Variants in EPHA4 observed in about 807,000 individuals in gnomAD.
EPHA4 encodes EPH receptor A4.
In EPHA4, 19 loss-of-function variants were observed where a neutral mutation model predicts 108.3. The ratio of observed to expected loss-of-function variants is 0.18; its 90% CI spans 0.12 to 0.26. The LOEUF (loss-of-function observed/expected upper bound fraction) is 0.26, where lower values mean the gene tolerates loss of function less well. Ranked by LOEUF, EPHA4 falls within the 10% of genes least tolerant of loss-of-function variation. EPHA4 has a pLI of 1.00. For missense variants in EPHA4, 917 were observed against 1,254.0 expected, an observed-to-expected ratio of 0.73 and a Z score of 4.06; for synonymous variants, 449 against 455.5, an observed-to-expected ratio of 0.99 and a Z score of 0.18.
At chr2:221,522,841 C>T (rs1693211147) in intron 3 of EPHA4, among the ~76,000 whole-genome samples, 1 of 151,896 alleles carries the variant, frequency 6.6e-6, no homozygotes, top group Non-Finnish European at 1.5e-5. Flanking sequence ...CGGCTCACTG[C>T]AACCCAACCT....
intron 3 of EPHA4, among the ~76,000 whole-genome samples, chr2:221,534,871 G>A (rs1026298051): frequency 3.9e-5 from 6 of 152,170 alleles, no homozygotes; most frequent in African/African-American, 1.4e-4. Flanking sequence ...CTTCACTTGA[G>A]CATCTACATG....
chr2:221,502,568 T>A (rs1362174791), intron 3 of EPHA4: 12 of 471,252 alleles, frequency 2.5e-5, no homozygotes, highest in Non-Finnish European at 5.3e-5. Context: ...ACTGCTTGAT[T>A]CTCTCTGGAG....
At position 221,482,564 on chromosome 2, in the gene EPHA4, C is replaced by G. The variant is rs895132449; in HGVS notation, c.1106G>C (p.Cys369Ser). 62 of 1,613,984 alleles carry G rather than the reference C, an allele frequency of 3.8e-5. No individual in the cohort carries two copies. The highest frequency in any genetic ancestry group is 5.0e-5 in the Non-Finnish European group (59 of 1,180,010). ...GCACTTGCTGGGGTCACCAGCTCCA[C>G]ATTTCTTGCATACCACATTATAGGA... is the stretch of plus-strand genomic sequence containing the variant. The part of the protein sequence containing the change: ...DISYNVVCKK[C>S]GAGDPSKCRP... Residue 369 changes from cysteine to serine, a missense_variant, in exon 5 of 18, where the codon TGT (cysteine) becomes TCT (serine). Around this residue, in one of 3 missense-constraint regions of EPHA4, gnomAD observed 758 missense variants for 1,076.7 expected, o/e 0.70. Transcript: ENST00000281821.
intron 5 of EPHA4, among the ~76,000 whole-genome samples, chr2:221,459,557 A>G (rs1691077133): frequency 6.6e-6 from 1 of 151,614 alleles, no homozygotes; most frequent in Non-Finnish European, 1.5e-5. Flanking sequence ...CCCAACACAC[A>G]CACAGGCACA....
chr2:221,496,268 G>A (rs1001496013), intron 4 of EPHA4, among the ~76,000 whole-genome samples: 38 of 151,936 alleles, frequency 2.5e-4, no homozygotes, highest in African/African-American at 9.2e-4. Flanking sequence ...ACGTTCTCTG[G>A]GTCTGCCGTC....
At chr2:221,538,316 T>C (rs920979378) in intron 3 of EPHA4, among the ~76,000 whole-genome samples, 2 of 152,242 alleles carry the variant, frequency 1.3e-5, no homozygotes, top group Admixed American at 6.5e-5. Context: ...ACAAAAGTTG[T>C]ATTTCATTTT....
intron 4 of EPHA4, among the ~76,000 whole-genome samples, chr2:221,497,944 C>CAT (rs1037696649): frequency 1.6e-4 from 24 of 152,252 alleles, no homozygotes; most frequent in African/African-American, 4.8e-4. Flanking sequence ...TTGGTCCATC[C>CAT]ATATGCTAAA....
rs144322261 is a variant in EPHA4, at chr2:221,451,912, T to C, written c.1715+3635A>G. 2.6e-4 allele frequency among the ~76,000 whole-genome samples: 40 copies of C among 152,334 alleles called. No individual in the cohort carries two copies. The South Asian group carries it at 4.6e-3, about 17-fold the overall frequency. ...AAAAAGTAGATCTCGCTGAAAAAAG[T>C]GTAGATTATTCTGGCTTGCCTTAGG... On this transcript the variant is annotated intron_variant, in intron 8 of 17. Coordinates refer to ENST00000281821, the MANE Select transcript of EPHA4 (RefSeq NM_004438.5).
At position 221,446,145 on chromosome 2, in the gene EPHA4, A is replaced by G; in HGVS notation, c.1752T>C (p.Asp584=). The change falls in exon 9 of 18, where the codon GAT becomes GAC. Residue 584 remains aspartate, a synonymous_variant. Transcript: ENST00000281821. ...TACCTTGATTCAAATGTTTCTCTTC[A>G]TCCGCTTCTTGTTTGGCTTTACTGT... is the stretch of plus-strand genomic sequence containing the variant. ...SKYSKAKQEA[D]EEKHLNQGVR... 2 of 1,555,342 alleles carry G rather than the reference A, an allele frequency of 1.3e-6. No individual in the cohort carries two copies. Among genetic ancestry groups the G allele is most frequent in the Non-Finnish European group, 8.7e-7 (1 of 1,153,454 alleles).
At chr2:221,453,528 G>T (rs1296751238) in intron 8 of EPHA4, among the ~76,000 whole-genome samples, 1 of 152,008 alleles carries the variant, frequency 6.6e-6, no homozygotes, top group Non-Finnish European at 1.5e-5. Context: ...TCAAATACCA[G>T]GGAAGGAAAG....
At chr2:221,428,254 C>G (rs1300901772) in intron 15 of EPHA4, among the ~76,000 whole-genome samples, 2 of 152,192 alleles carry the variant, frequency 1.3e-5, no homozygotes, top group Non-Finnish European at 2.9e-5. Flanking sequence ...CACTCGATGT[C>G]AATTAACTTT....
intron 14 of EPHA4, among the ~76,000 whole-genome samples, chr2:221,431,197 AT>A (rs1690065702): frequency 6.6e-6 from 1 of 152,078 alleles, no homozygotes; most frequent in Non-Finnish European, 1.5e-5. Flanking sequence ...AGGTGCTTTT[AT>A]TTGTTTGGGA....
chr2:221,550,444 AG>A (rs1694123641), intron 3 of EPHA4, among the ~76,000 whole-genome samples: 2 of 151,572 alleles, frequency 1.3e-5, no homozygotes, highest in South Asian at 4.2e-4. Context: ...AGAGAGAGAG[AG>A]AGAGAGAGAA....
At chr2:221,505,336 T>C (rs547821443) in intron 3 of EPHA4, among the ~76,000 whole-genome samples, 1 of 152,154 alleles carries the variant, frequency 6.6e-6, no homozygotes, top group South Asian at 2.1e-4. Context: ...ATTTATTTAT[T>C]TTTTTGAGAC....
intron 3 of EPHA4, among the ~76,000 whole-genome samples, chr2:221,514,262 G>A (rs991476286): frequency 6.6e-6 from 1 of 152,098 alleles, no homozygotes; most frequent in Non-Finnish European, 1.5e-5. Context: ...CCTTACAGGT[G>A]AGCCTTTCAT....
chr2:221,477,320 A>T (rs7563304), intron 5 of EPHA4, among the ~76,000 whole-genome samples: 79,242 of 152,060 alleles, frequency 0.52, 20,942 homozygotes, highest in Non-Finnish European at 0.56. Flanking sequence ...CAAAGGCCAC[A>T]TGGCTATGGA....
intron 8 of EPHA4, among the ~76,000 whole-genome samples, chr2:221,452,116 T>A (rs1690805767): frequency 6.6e-6 from 1 of 152,252 alleles, no homozygotes; most frequent in African/African-American, 2.4e-5. Flanking sequence ...ACTTTCTCAC[T>A]ACGTGAGTTT....
intron 9 of EPHA4, among the ~76,000 whole-genome samples, chr2:221,445,042 G>A (rs1308481569): frequency 6.6e-6 from 1 of 152,110 alleles, no homozygotes; most frequent in Non-Finnish European, 1.5e-5. Context: ...ACAGGCATAA[G>A]CCACTGTGCC....
chr2:221,546,568 A>C (rs769502403), intron 3 of EPHA4, among the ~76,000 whole-genome samples: 4 of 152,084 alleles, frequency 2.6e-5, no homozygotes, highest in Admixed American at 1.3e-4. Context: ...AGAAGCATGA[A>C]CTAACTAAAG....
Sources: gnomAD v4.1 joint callset for allele counts (sites outside exome capture counted in the v4.1 genomes callset) on GRCh38, gnomAD v4.1.1 for gene constraint, gnomAD v4.1.1 regional missense constraint, MANE v1.5 for transcripts, NCBI Gene and HGNC (gene_info 2026-07-23, HGNC 2026-07-21) for gene names.